The following CSMD3 variants were observed in gnomAD, a reference collection of about 807,000 sequenced individuals.
CSMD3 encodes the protein CUB and Sushi multiple domains 3.
CSMD3 carries 177 observed loss-of-function variants against 435.2 expected under a neutral mutation model. The observed-to-expected ratio is 0.41, with a 90% CI of 0.36 to 0.46. The LOEUF (loss-of-function observed/expected upper bound fraction) is 0.46. Ranked by LOEUF, CSMD3 falls within the 20% of genes least tolerant of loss-of-function variation. CSMD3 has a pLI of 0.34. For missense variants in CSMD3, 4,265 were observed against 4,504.6 expected (o/e 0.95, Z 1.52); for synonymous variants, 1,656 against 1,520.5 (o/e 1.09, Z -2.07).
At chr8:112,697,987 C>A (rs2131860014) in intron 13 of CSMD3, among the ~76,000 whole-genome samples, 1 of 152,126 alleles carries the variant, frequency 6.6e-6, no homozygotes, top group Middle Eastern at 3.4e-3. Flanking sequence ...TTTTTCTTCC[C>A]TTTTCTTTCA....
At chr8:113,266,280 A>G (rs553592701) in intron 3 of CSMD3, among the ~76,000 whole-genome samples, 110 of 151,382 alleles carry the variant, frequency 7.3e-4, no homozygotes, top group Admixed American at 1.5e-3. Context: ...AAATAGTAAA[A>G]CTATCCTTTT....
intron 20 of CSMD3, among the ~76,000 whole-genome samples, chr8:112,643,758 TTCAGTAC>T (rs534892815): frequency 1.4e-3 from 218 of 152,236 alleles, no homozygotes; most frequent in African/African-American, 5.1e-3. Flanking sequence ...ATTCCTGCTA[TTCAGTAC>T]CAGAATACTC....
At chr8:113,132,398 T>C (rs940536198) in intron 4 of CSMD3, among the ~76,000 whole-genome samples, 21 of 152,186 alleles carry the variant, frequency 1.4e-4, no homozygotes, top group African/African-American at 4.6e-4. Context: ...TGGGAGATGA[T>C]TGGATCATGG....
Position 112,341,574 on chromosome 8 carries a change from T to C in CSMD3, c.6555A>G (p.Gln2185=). The change falls in exon 42 of 71, where the codon CAA becomes CAG. Residue 2185 remains glutamine, a synonymous_variant. Coordinates refer to ENST00000297405, the MANE Select transcript of CSMD3 (RefSeq NM_198123.2). ...TGGTGCTGAATAAGGAAGATGGTAT[T>C]TGAGGACCACTAAGCCGGCCAATAA... ...STVIGRLSGP[Q]IPSSLFSTTH... is the part of the protein sequence containing the mutation. 1 of 1,613,054 alleles carries C rather than the reference T, an allele frequency of 6.2e-7. No individual in the cohort carries two copies. The highest frequency in any genetic ancestry group is 8.5e-7 in the Non-Finnish European group (1 of 1,179,118).
In CSMD3 at chr8:112,301,899, G is replaced by A. The variant is rs2130758742; in HGVS notation, c.8334C>T (p.Gly2778=). ...AGTCGCAGGTAAAGATAGCTGTTGA[G>A]CCATATGAAGTTTGAGTTCCAATCT... ...GNKIGTQTSY[G]STAIFTCDLG... Residue 2778 remains glycine, a synonymous_variant, in exon 53 of 71, where the codon GGC becomes GGT. Transcript: ENST00000297405. 2 of 1,612,954 alleles carry A rather than the reference G, an allele frequency of 1.2e-6. No homozygotes were observed. The highest frequency in any genetic ancestry group is 2.2e-5 in the East Asian group (1 of 44,844).
At chr8:112,609,952 A>C (rs1833128794) in intron 22 of CSMD3, among the ~76,000 whole-genome samples, 2 of 152,250 alleles carry the variant, frequency 1.3e-5, no homozygotes, top group South Asian at 4.1e-4. Flanking sequence ...TCTCATGTAC[A>C]TGTGGGATCT....
intron 32 of CSMD3, among the ~76,000 whole-genome samples, chr8:112,443,872 ATTGT>A (rs372547813): frequency 5.3e-5 from 8 of 152,220 alleles, no homozygotes; most frequent in East Asian, 3.9e-4. Flanking sequence ...TTGCTCATTG[ATTGT>A]TTATTATGTG....
chr8:113,336,101 A>AT (rs764835967), intron 1 of CSMD3, among the ~76,000 whole-genome samples: 4 of 151,636 alleles, frequency 2.6e-5, no homozygotes, highest in Non-Finnish European at 5.9e-5. Flanking sequence ...TGCATTATCC[A>AT]TTTTTTTGGC....
chr8:112,866,296 T>A (rs548870176), intron 10 of CSMD3, among the ~76,000 whole-genome samples: 1 of 152,260 alleles, frequency 6.6e-6, no homozygotes, highest in East Asian at 1.9e-4. Context: ...TTTTTTTAAC[T>A]TGTAAACTTA....
rs575019753 is a variant in CSMD3 at position 112,587,164 on chromosome 8, T to C, written c.3787A>G (p.Asn1263Asp). ...ATACTATAAATGCATTCATGGTTGT[T>C]TTCATAGTTGAGTGGATAATTTGGA... ...LSPNYPLNYE[N>D]NHECIYSIQV... Residue 1263 changes from asparagine (N) to aspartate (D), a missense_variant, in exon 23 of 71, where the codon AAC becomes GAC. This residue lies in a region of CSMD3 where 3,255 missense variants were observed against 3,380.2 expected (regional missense o/e 0.96). Coordinates refer to ENST00000297405, the MANE Select transcript of CSMD3 (RefSeq NM_198123.2). 26 of 1,609,984 alleles carry C rather than the reference T, an allele frequency of 1.6e-5. No homozygotes were observed. In the South Asian group the frequency reaches 2.3e-4, roughly 14 times the overall value.
At chr8:112,892,622 T>G (rs960375879) in intron 10 of CSMD3, among the ~76,000 whole-genome samples, 1 of 151,514 alleles carries the variant, frequency 6.6e-6, no homozygotes, top group African/African-American at 2.4e-5. Context: ...CCAGCACTTT[T>G]GTACTTACTG....
Position 113,315,814 on chromosome 8 carries a change from G to A in CSMD3, c.179-1021C>T, listed in dbSNP as rs566648506. Among the ~76,000 whole-genome samples the A allele has an allele frequency of 2.8e-4, 43 of 151,610 alleles. No individual in the cohort carries two copies. In the South Asian group the frequency reaches 8.4e-3, roughly 29 times the overall value. Reference sequence around the variant, plus strand: ...GCTCACTGCAACCTCTGCCTCCTGGGTTCAAGTGATTCTCCAGCCTCAACC... The same window carrying A: ...GCTCACTGCAACCTCTGCCTCCTGGATTCAAGTGATTCTCCAGCCTCAACC... On this transcript the variant is annotated intron_variant, in intron 1 of 70. Transcript: ENST00000297405.
intron 20 of CSMD3, among the ~76,000 whole-genome samples, chr8:112,644,843 A>G (rs1776974011): frequency 6.6e-6 from 1 of 152,122 alleles, no homozygotes; most frequent in African/African-American, 2.4e-5. Flanking sequence ...CCTGTTACAA[A>G]AATTTCAAAT....
intron 32 of CSMD3, among the ~76,000 whole-genome samples, chr8:112,439,600 A>C (rs539929139): frequency 2.0e-5 from 3 of 152,150 alleles, no homozygotes; most frequent in Non-Finnish European, 4.4e-5. Context: ...ACTGCCTGAC[A>C]CTACGTAATT....
chr8:113,349,119 T>C (rs573197526), intron 1 of CSMD3, among the ~76,000 whole-genome samples: 1 of 152,242 alleles, frequency 6.6e-6, no homozygotes, highest in South Asian at 2.1e-4. Context: ...AGCTAAAAAC[T>C]GTTGTCTGTG....
At position 112,467,260 on chromosome 8, in the gene CSMD3, C is replaced by T. The variant is rs1054730583; in HGVS notation, c.5395+5331G>A. Among the ~76,000 whole-genome samples, 7 of 152,224 alleles carry T rather than the reference C, an allele frequency of 4.6e-5. 1 individual carries two copies. Among genetic ancestry groups the T allele is most frequent in the Admixed American group, 3.9e-4 (6 of 15,274 alleles). On this transcript the variant is annotated intron_variant, in intron 32 of 70. Coordinates refer to ENST00000297405, the MANE Select transcript of CSMD3 (RefSeq NM_198123.2). ...GGGGCAAATGTAAGGTTTTTATGCCCATTTTGAACATACCAAGTGTGAAAA... is the reference window on the plus strand; with the variant it reads ...GGGGCAAATGTAAGGTTTTTATGCCTATTTTGAACATACCAAGTGTGAAAA...
chr8:112,593,702 A>G (rs184339694), intron 22 of CSMD3, among the ~76,000 whole-genome samples: 2 of 152,310 alleles, frequency 1.3e-5, no homozygotes, highest in Admixed American at 1.3e-4. Flanking sequence ...GACAAAAGGG[A>G]CATTCAAAGA....
intron 53 of CSMD3, among the ~76,000 whole-genome samples, chr8:112,297,166 C>T (rs1354115409): frequency 2.1e-5 from 3 of 140,570 alleles, no homozygotes; most frequent in Admixed American, 7.3e-5. Context: ...AATTCTTATG[C>T]AAACTCTTTT....
intron 6 of CSMD3, among the ~76,000 whole-genome samples, chr8:112,995,465 T>C (rs1382437714): frequency 1.3e-5 from 2 of 151,434 alleles, no homozygotes; most frequent in Non-Finnish European, 3.0e-5. Flanking sequence ...AGAAATTTAT[T>C]TGAAGAGTTT....
Sources: allele counts gnomAD v4.1 joint callset (sites outside exome capture counted in the v4.1 genomes callset), GRCh38; gene constraint gnomAD v4.1.1; regional missense constraint gnomAD v4.1.1; transcripts MANE v1.5; gene names NCBI Gene and HGNC (gene_info 2026-07-23, HGNC 2026-07-21).